TBC1D22A: variants seen among roughly 807,000 people sequenced by gnomAD.
TBC1D22A encodes TBC1 domain family member 22A.
A neutral mutation model predicts 60.2 loss-of-function variants in TBC1D22A; 38 were observed. The ratio of observed to expected loss-of-function variants is 0.63; its 90% CI spans 0.49 to 0.83. The LOEUF (loss-of-function observed/expected upper bound fraction) is 0.83. TBC1D22A is among the 40% of genes least tolerant of loss of function. The pLI, the probability that TBC1D22A is intolerant of heterozygous loss-of-function variation, is 0.00. For synonymous variants in TBC1D22A, 302 were observed against 281.7 expected (o/e 1.07, Z -0.72); for missense variants, 628 against 701.0 (o/e 0.90, Z 1.18).
At chr22:46,897,213 G>C (rs535445126) in intron 7 of TBC1D22A, among the ~76,000 whole-genome samples, 1 of 152,120 alleles carries the variant, frequency 6.6e-6, no homozygotes, top group Non-Finnish European at 1.5e-5. Flanking sequence ...ACACTCCACA[G>C]GTCGGGAGTG....
chr22:46,972,270 C>T (rs2074095028), intron 8 of TBC1D22A, among the ~76,000 whole-genome samples: 1 of 151,942 alleles, frequency 6.6e-6, no homozygotes, highest in South Asian at 2.1e-4. Flanking sequence ...CCCTTTAATT[C>T]ATGAGCATCT....
chr22:47,058,889 C>G (rs1340400673), intron 11 of TBC1D22A, among the ~76,000 whole-genome samples: 1 of 152,174 alleles, frequency 6.6e-6, no homozygotes, highest in African/African-American at 2.4e-5. Context: ...GTGAAGGAGA[C>G]AGATCTTGAG....
At chr22:46,995,702 G>A (rs1167606439) in intron 9 of TBC1D22A, among the ~76,000 whole-genome samples, 1 of 152,034 alleles carries the variant, frequency 6.6e-6, no homozygotes, top group Non-Finnish European at 1.5e-5. Flanking sequence ...ACGTCACTGG[G>A]GCCTCCCGAG....
intron 4 of TBC1D22A, among the ~76,000 whole-genome samples, chr22:46,825,496 C>T (rs902130443): frequency 6.6e-6 from 1 of 152,176 alleles, no homozygotes; most frequent in Admixed American, 6.5e-5. Context: ...TCTTTTGAGA[C>T]AGAGTCTCAC....
chr22:47,004,161 C>T (rs1047961308), intron 10 of TBC1D22A, among the ~76,000 whole-genome samples: 1 of 149,740 alleles, frequency 6.7e-6, no homozygotes, highest in Non-Finnish European at 1.5e-5. Context: ...CACTCCTATA[C>T]ACACACCCCT....
intron 4 of TBC1D22A, among the ~76,000 whole-genome samples, chr22:46,860,802 A>T (rs1475127674): frequency 6.6e-6 from 1 of 152,170 alleles, no homozygotes; most frequent in African/African-American, 2.4e-5. Context: ...AGTGAGCAGG[A>T]CAGGTCCTCT....
At position 46,772,959 on chromosome 22, in the gene TBC1D22A, G is replaced by A. The variant is rs1404724771; in HGVS notation, c.62+10111G>A. On this transcript the variant is annotated intron_variant, in intron 1 of 12. Coordinates refer to ENST00000337137, the MANE Select transcript of TBC1D22A (RefSeq NM_014346.5). ...CACTTCCTTTATCCACTTGTTGATG[G>A]ATGGGCATTTGTGTTGAAAAGAAGT... is the stretch of plus-strand genomic sequence containing the variant. Among the ~76,000 whole-genome samples, 8 of 152,212 alleles carry A rather than the reference G, an allele frequency of 5.3e-5. No homozygotes were observed. The East Asian group carries it at 1.5e-3, about 29-fold the overall frequency.
intron 12 of TBC1D22A, among the ~76,000 whole-genome samples, chr22:47,135,739 C>T (rs73889417): frequency 0.014 from 2,170 of 152,318 alleles, 54 homozygotes; most frequent in African/African-American, 0.044. Context: ...GAATGAAAGT[C>T]GAGGGGAAGT....
intron 1 of TBC1D22A, among the ~76,000 whole-genome samples, chr22:46,790,517 G>T (rs1038923439): frequency 2.0e-5 from 3 of 152,176 alleles, no homozygotes; most frequent in Admixed American, 2.0e-4. Flanking sequence ...CCACCAGAAC[G>T]ACTAAGAAGG....
At chr22:46,792,850 T>C in intron 2 of TBC1D22A, 2 of 1,434,938 alleles carry the variant, frequency 1.4e-6, no homozygotes, top group Non-Finnish European at 1.8e-6. Flanking sequence ...CCTTTAGCCA[T>C]GGGCAGCCTG....
chr22:46,912,102 C>A lies in TBC1D22A; in HGVS notation c.929C>A (p.Ala310Glu). 1 of 1,613,718 alleles carries A rather than the reference C, an allele frequency of 6.2e-7. No individual in the cohort carries two copies. The highest frequency in any genetic ancestry group is 8.5e-7 in the Non-Finnish European group (1 of 1,179,840). ...TTTGAAAGGATCTTGTTCATATGGG[C>A]GATCCGCCACCCAGCCAGTGGATAC... ...EIFERILFIW[A>E]IRHPASGYVQ... is the part of the protein sequence containing the mutation. The change falls in exon 8 of 13, where the codon GCG (alanine) becomes GAG (glutamate). Residue 310 changes from alanine to glutamate, a missense_variant. Coordinates refer to ENST00000337137, the MANE Select transcript of TBC1D22A (RefSeq NM_014346.5).
intron 8 of TBC1D22A, among the ~76,000 whole-genome samples, chr22:46,933,473 C>T (rs551793818): frequency 1.2e-4 from 19 of 152,316 alleles, no homozygotes; most frequent in African/African-American, 4.6e-4. Flanking sequence ...TTGGACAGGG[C>T]TTTCTCTTGG....
At chr22:46,997,598 A>G in intron 9 of TBC1D22A, 36 bp from the exon 10 acceptor site, 1 of 1,541,472 alleles carries the variant, frequency 6.5e-7, no homozygotes, top group Non-Finnish European at 9.0e-7. Context: ...GTTTTATTTT[A>G]TATGCATATG....
chr22:46,964,633 C>A (rs772055931), intron 8 of TBC1D22A, among the ~76,000 whole-genome samples: 1 of 152,182 alleles, frequency 6.6e-6, no homozygotes, highest in Non-Finnish European at 1.5e-5. Context: ...GATACAGTAG[C>A]CTCATATCCT....
intron 11 of TBC1D22A, among the ~76,000 whole-genome samples, chr22:47,103,162 A>G (rs1362295874): frequency 6.6e-6 from 1 of 151,896 alleles, no homozygotes; most frequent in Non-Finnish European, 1.5e-5. Flanking sequence ...AAGGTGGTGG[A>G]TTTGGGGGTG....
chr22:46,842,769 T>G (rs575899617), intron 4 of TBC1D22A, among the ~76,000 whole-genome samples: 12 of 152,320 alleles, frequency 7.9e-5, no homozygotes, highest in Non-Finnish European at 1.8e-4. Flanking sequence ...GCGGGCAGCT[T>G]CGGGAGATGA....
intron 7 of TBC1D22A, among the ~76,000 whole-genome samples, chr22:46,910,109 T>G (rs1367595371): frequency 1.3e-5 from 2 of 152,236 alleles, no homozygotes; most frequent in African/African-American, 4.8e-5. Flanking sequence ...AGTTGTCAAC[T>G]GAAAATGGAA....
At chr22:46,968,200 G>T (rs1207060537) in intron 8 of TBC1D22A, among the ~76,000 whole-genome samples, 1 of 152,200 alleles carries the variant, frequency 6.6e-6, no homozygotes, top group Non-Finnish European at 1.5e-5. Flanking sequence ...GCTCCGGCAT[G>T]GATGCTCCTT....
At chr22:47,143,462 C>T (rs2067179322) in intron 12 of TBC1D22A, among the ~76,000 whole-genome samples, 1 of 152,206 alleles carries the variant, frequency 6.6e-6, no homozygotes, top group Admixed American at 6.5e-5. Context: ...AGTTTTGAAC[C>T]GCTTCCAGGA....
Sources: gnomAD v4.1 joint callset for allele counts (sites outside exome capture counted in the v4.1 genomes callset) on GRCh38, gnomAD v4.1.1 for gene constraint, MANE v1.5 for transcripts, NCBI Gene and HGNC (gene_info 2026-07-23, HGNC 2026-07-21) for gene names.